Variants in TGFBI observed in about 807,000 individuals in gnomAD.
The protein encoded by TGFBI is transforming growth factor-beta-induced protein ig-h3.
A neutral mutation model predicts 73.7 loss-of-function variants in TGFBI; 50 were observed. The observed-to-expected ratio is 0.68, with a 90% CI of 0.54 to 0.86. TGFBI has a LOEUF of 0.86. Ranked by LOEUF, TGFBI falls within the 40% of genes least tolerant of loss-of-function variation. The pLI is 0.00. For missense variants in TGFBI, 839 were observed against 877.0 expected, an observed-to-expected ratio of 0.96 and a Z score of 0.55; for synonymous variants, 362 against 360.5, an observed-to-expected ratio of 1.00 and a Z score of -0.05.
chr5:136,063,503 T>G lies in TGFBI; in HGVS notation c.*277T>G, dbSNP rs1751786345. ...ACTTCCAGAGAGGACCTATCCCAAA[T>G]GTGGAATTGACTGCCTATGCCAAGT... On this transcript the variant is annotated 3_prime_UTR_variant, in exon 17 of 17. Coordinates refer to ENST00000442011, the MANE Select transcript of TGFBI (RefSeq NM_000358.3). The G allele has an allele frequency of 2.4e-6, 1 of 423,872 alleles. No homozygotes were observed. The highest frequency in any genetic ancestry group is 4.3e-6 in the Non-Finnish European group (1 of 233,574). 26.3% of individuals were successfully genotyped at this position (423,872 alleles called of 1,614,324 possible).
At chr5:136,046,008 T>G in intron 3 of TGFBI, 1 of 205,882 alleles carries the variant, frequency 4.9e-6, no homozygotes, top group Admixed American at 5.7e-5. Context: ...TAAGACTAGT[T>G]TGTAATTAGG....
At chr5:136,030,651 C>T (rs1354806010) in intron 1 of TGFBI, among the ~76,000 whole-genome samples, 1 of 152,118 alleles carries the variant, frequency 6.6e-6, no homozygotes, top group Admixed American at 6.5e-5. Flanking sequence ...GGATATGAGG[C>T]CTCAACATCA....
At chr5:136,059,873 G>A (rs1751717064) in intron 13 of TGFBI, among the ~76,000 whole-genome samples, 1 of 152,168 alleles carries the variant, frequency 6.6e-6, no homozygotes, top group Admixed American at 6.5e-5. Flanking sequence ...AGGAAGATAT[G>A]CATGTAGGGA....
At chr5:136,056,555 C>T (rs1751634999) in intron 11 of TGFBI, 110 bp from the exon 12 acceptor site, 13 of 1,451,790 alleles carry the variant, frequency 9.0e-6, no homozygotes, top group East Asian at 2.3e-5. Context: ...GTGGCCTGGA[C>T]TCTACTATCC....
chr5:136,052,010 G>A (rs145530666), intron 7 of TGFBI, among the ~76,000 whole-genome samples: 31 of 152,326 alleles, frequency 2.0e-4, no homozygotes, highest in Admixed American at 7.8e-4. Context: ...GAGAATATGG[G>A]ACATAGAGCC....
chr5:136,053,144 G>A, intron 8 of TGFBI, 25 bp downstream of exon 8: 1 of 1,600,356 alleles, frequency 6.2e-7, no homozygotes, highest in Non-Finnish European at 8.6e-7. Flanking sequence ...CGGGGGCCTT[G>A]GCCCTGCCTG....
intron 3 of TGFBI, chr5:136,044,862 T>C (rs1157511299): frequency 6.6e-6 from 1 of 152,270 alleles, no homozygotes; most frequent in Non-Finnish European, 1.5e-5. Context: ...AAGTCCCTGA[T>C]ATAAAGTGGT....
rs1580714607 is a variant in TGFBI at position 136,046,850 on chromosome 5, G to C, written c.460-1G>C. 5.6e-6 allele frequency: 9 copies of C among 1,612,268 alleles called. No homozygotes were observed. The East Asian group carries it at 2.0e-4, about 36-fold the overall frequency. ...AACTGACACCCTGTCCTTCCTCCTA[G>C]GAAGTGCTGGACTCCCTGGTCAGCA... is the stretch of plus-strand genomic sequence containing the variant. On this transcript the variant is annotated splice_acceptor_variant, in intron 4 of 16. Coordinates refer to ENST00000442011, the MANE Select transcript of TGFBI (RefSeq NM_000358.3). LOFTEE classifies it high-confidence loss of function.
chr5:136,031,144 G>A (rs901357371), intron 1 of TGFBI, among the ~76,000 whole-genome samples: 1 of 152,176 alleles, frequency 6.6e-6, no homozygotes, highest in Non-Finnish European at 1.5e-5. Context: ...AGTCACAGGA[G>A]CACCCCTGTC....
intron 5 of TGFBI, 49 bp from the exon 6 acceptor site, chr5:136,047,225 C>T (rs374649529): frequency 2.6e-5 from 42 of 1,604,988 alleles, no homozygotes; most frequent in Non-Finnish European, 3.5e-5. Context: ...GGCTTTGGGA[C>T]TATGCCTCTG....
intron 13 of TGFBI, 37 bp downstream of exon 13, chr5:136,059,251 C>T (rs371591002): frequency 1.2e-6 from 2 of 1,602,416 alleles, no homozygotes; most frequent in Non-Finnish European, 1.7e-6. Context: ...GCTAAATTTC[C>T]CCAGGGCAGG....
At chr5:136,057,142 C>T (rs1213780171) in intron 12 of TGFBI, among the ~76,000 whole-genome samples, 1 of 152,134 alleles carries the variant, frequency 6.6e-6, no homozygotes, top group African/African-American at 2.4e-5. Flanking sequence ...CCCCAGCCTC[C>T]CTCTCAGACA....
At chr5:136,060,249 C>G (rs919212149) in intron 13 of TGFBI, among the ~76,000 whole-genome samples, 8 of 152,230 alleles carry the variant, frequency 5.3e-5, no homozygotes, top group African/African-American at 1.9e-4. Flanking sequence ...TTATCATACA[C>G]TGCTGTGAGG....
At chr5:136,060,194 C>T (rs1751722575) in intron 13 of TGFBI, among the ~76,000 whole-genome samples, 1 of 152,248 alleles carries the variant, frequency 6.6e-6, no homozygotes, top group South Asian at 2.1e-4. Context: ...CAGTCTCAGT[C>T]TCAGTCTCCT....
At chr5:136,036,895 C>G (rs1329459469) in intron 2 of TGFBI, among the ~76,000 whole-genome samples, 1 of 152,064 alleles carries the variant, frequency 6.6e-6, no homozygotes, top group Non-Finnish European at 1.5e-5. Context: ...GGAGGCAGCT[C>G]AGGTTGTCAA....
At chr5:136,031,942 T>A (rs1751128831) in intron 1 of TGFBI, among the ~76,000 whole-genome samples, 1 of 152,018 alleles carries the variant, frequency 6.6e-6, no homozygotes, top group South Asian at 2.1e-4. Flanking sequence ...TGGAGCCACA[T>A]CCACAAGAGA....
intron 1 of TGFBI, 38 bp downstream of exon 1, chr5:136,029,227 AGGTAGTC>A: frequency 7.0e-7 from 1 of 1,434,854 alleles, no homozygotes; most frequent in South Asian, 1.4e-5. Context: ...GCGGAAGGTC[AGGTAGTC>A]GGGGCTCGGA....
At chr5:136,040,786 G>A (rs1751318698) in intron 2 of TGFBI, among the ~76,000 whole-genome samples, 2 of 152,212 alleles carry the variant, frequency 1.3e-5, no homozygotes, top group South Asian at 2.1e-4. Flanking sequence ...GAACTGGGGG[G>A]CTATGGCTGG....
chr5:136,052,074 G>T (rs569854331), intron 7 of TGFBI, among the ~76,000 whole-genome samples: 1 of 152,210 alleles, frequency 6.6e-6, no homozygotes, highest in South Asian at 2.1e-4. Flanking sequence ...TGGGGTTGGG[G>T]GGGGCTCCTC....
Sources: allele counts gnomAD v4.1 joint callset (sites outside exome capture counted in the v4.1 genomes callset), GRCh38; gene constraint gnomAD v4.1.1; transcripts MANE v1.5; gene names NCBI Gene and HGNC (gene_info 2026-07-23, HGNC 2026-07-21).